THRB: variants seen among roughly 807,000 people sequenced by gnomAD.
THRB encodes nuclear receptor subfamily 1 group A member 2.
In THRB, 12 loss-of-function variants were observed where a neutral mutation model predicts 47.8. That is an observed-to-expected ratio of 0.25 (90% CI 0.16 to 0.41). The LOEUF (loss-of-function observed/expected upper bound fraction) is 0.41, where lower values mean the gene tolerates loss of function less well. Among genes scored for constraint, THRB ranks in the 10% least tolerant of loss-of-function variants. The pLI is 1.00. For missense variants in THRB, 348 were observed against 589.2 expected (o/e 0.59, Z 4.24); for synonymous variants, 218 against 212.2 (o/e 1.03, Z -0.24).
chr3:24,209,913 C>A (rs2045841151), intron 4 of THRB, among the ~76,000 whole-genome samples: 1 of 152,028 alleles, frequency 6.6e-6, no homozygotes, highest in Non-Finnish European at 1.5e-5. Context: ...TATTTTCTGA[C>A]CAAATAGTAA....
intron 4 of THRB, among the ~76,000 whole-genome samples, chr3:24,203,748 G>A (rs13320773): frequency 0.2 from 31,000 of 152,140 alleles, 3,825 homozygotes; most frequent in African/African-American, 0.35. Flanking sequence ...AGGGAATTCC[G>A]TTTCTTAGCC....
At chr3:24,333,124 A>G (rs1268538822) in intron 2 of THRB, among the ~76,000 whole-genome samples, 1 of 152,054 alleles carries the variant, frequency 6.6e-6, no homozygotes, top group East Asian at 1.9e-4. Flanking sequence ...AAGAAACAAA[A>G]AAACCTGAAA....
At position 24,289,150 on chromosome 3, in the gene THRB, C is replaced by T. The variant is rs559157122; in HGVS notation, c.-43+8076G>A. ...ATGGGAAGGCTGGCAAGTGGACAGA[C>T]GAGGGCTTCATTACTGCTGCCTATT... On this transcript the variant is annotated intron_variant, in intron 3 of 10. Transcript: ENST00000646209. Among the ~76,000 whole-genome samples the T allele has an allele frequency of 1.3e-3, 196 of 152,188 alleles. 2 individuals carry two copies. In the Middle Eastern group the frequency reaches 0.027, roughly 21 times the overall value.
chr3:24,369,561 C>T (rs548758083), intron 1 of THRB, among the ~76,000 whole-genome samples: 9 of 152,116 alleles, frequency 5.9e-5, no homozygotes, highest in Non-Finnish European at 1.0e-4. Flanking sequence ...AGAAGTCTAT[C>T]CATTGGTCTA....
chr3:24,252,615 A>G (rs1185332267), intron 3 of THRB, among the ~76,000 whole-genome samples: 1 of 151,618 alleles, frequency 6.6e-6, no homozygotes, highest in African/African-American at 2.4e-5. Context: ...TGTAACAACC[A>G]TATCTCGAAT....
chr3:24,464,946 A>G (rs1577770764), intron 1 of THRB, among the ~76,000 whole-genome samples: 1 of 152,186 alleles, frequency 6.6e-6, no homozygotes, highest in Admixed American at 6.5e-5. Flanking sequence ...CCCACAAAAA[A>G]TAGTTACTAT....
At chr3:24,129,803 C>T (rs2033531287) in intron 9 of THRB, among the ~76,000 whole-genome samples, 2 of 152,172 alleles carry the variant, frequency 1.3e-5, no homozygotes, top group African/African-American at 4.8e-5. Flanking sequence ...ACGACAGGGC[C>T]CTGCACTCTA....
At chr3:24,272,037 C>A (rs148774017) in intron 3 of THRB, among the ~76,000 whole-genome samples, 8 of 152,108 alleles carry the variant, frequency 5.3e-5, no homozygotes, top group Non-Finnish European at 1.2e-4. Flanking sequence ...GATAGGATTG[C>A]GGACAATTTA....
chr3:24,167,520 A>G (rs1330058827), intron 5 of THRB, among the ~76,000 whole-genome samples: 4 of 152,218 alleles, frequency 2.6e-5, no homozygotes, highest in African/African-American at 9.6e-5. Context: ...AAACCCCAGG[A>G]AAAAGGATCC....
chr3:24,282,740 T>C (rs1198296465), intron 3 of THRB, among the ~76,000 whole-genome samples: 1 of 148,952 alleles, frequency 6.7e-6, no homozygotes, highest in African/African-American at 2.6e-5. Context: ...CAATAAAAAA[T>C]GATAAAGAGG....
At chr3:24,434,647 C>T (rs2125320454) in intron 1 of THRB, among the ~76,000 whole-genome samples, 2 of 152,312 alleles carry the variant, frequency 1.3e-5, no homozygotes, top group East Asian at 3.9e-4. Flanking sequence ...AGTTGACATA[C>T]AGAGAAAGTG....
chr3:24,452,169 G>A (rs920129283), intron 1 of THRB, among the ~76,000 whole-genome samples: 2 of 152,184 alleles, frequency 1.3e-5, no homozygotes, highest in Admixed American at 6.5e-5. Flanking sequence ...GGTGAAAGGA[G>A]AAATCAGTTA....
chr3:24,494,256 C>T (rs1698670281), intron 1 of THRB: 1 of 152,426 alleles, frequency 6.6e-6, no homozygotes, highest in Non-Finnish European at 1.5e-5. Context: ...ACAACTTCCT[C>T]ATCATGGAAA....
intron 1 of THRB, among the ~76,000 whole-genome samples, chr3:24,406,878 C>T (rs1560115291): frequency 6.6e-6 from 1 of 151,760 alleles, no homozygotes; most frequent in Non-Finnish European, 1.5e-5. Context: ...AAGTGCCATC[C>T]AACCATCTAC....
chr3:24,315,283 C>T (rs1052764826), intron 2 of THRB, among the ~76,000 whole-genome samples: 13 of 152,156 alleles, frequency 8.5e-5, no homozygotes, highest in African/African-American at 2.4e-4. Flanking sequence ...TAGGACCTGC[C>T]GACATCGCTA....
intron 4 of THRB, among the ~76,000 whole-genome samples, chr3:24,219,032 C>T (rs551599727): frequency 1.9e-4 from 29 of 152,070 alleles, no homozygotes; most frequent in East Asian, 5.8e-4. Flanking sequence ...TTTGAGAAGC[C>T]GAGGTGGGCG....
intron 3 of THRB, among the ~76,000 whole-genome samples, chr3:24,260,411 A>G (rs1188870914): frequency 1.3e-5 from 2 of 152,206 alleles, no homozygotes; most frequent in Non-Finnish European, 2.9e-5. Context: ...GACTGCAAGA[A>G]TAAAAGGTAA....
chr3:24,345,143 G>T (rs955077261), intron 1 of THRB, among the ~76,000 whole-genome samples: 1 of 152,044 alleles, frequency 6.6e-6, no homozygotes, highest in Non-Finnish European at 1.5e-5. Flanking sequence ...TAATTTATAC[G>T]GTGCAACTAT....
chr3:24,219,955 T>C (rs992747956), intron 4 of THRB, among the ~76,000 whole-genome samples: 5 of 152,198 alleles, frequency 3.3e-5, no homozygotes, highest in Admixed American at 2.0e-4. Context: ...AAAACAAAGC[T>C]ACCAGAGGTT....
Sources: gnomAD v4.1 joint callset for allele counts (sites outside exome capture counted in the v4.1 genomes callset) on GRCh38, gnomAD v4.1.1 for gene constraint, MANE v1.5 for transcripts, NCBI Gene and HGNC (gene_info 2026-07-23, HGNC 2026-07-21) for gene names.